The following DPRX variants were observed in gnomAD, a reference collection of about 807,000 sequenced individuals.
The protein encoded by DPRX is divergent paired-related homeobox.
DPRX carries 11 observed loss-of-function variants against 8.4 expected under a neutral mutation model. The observed-to-expected ratio is 1.31, with a 90% CI of 0.82 to 2.17. The LOEUF (loss-of-function observed/expected upper bound fraction) is 2.17. Among genes scored for constraint, DPRX ranks in the 30% most tolerant of loss-of-function variants. The probability of loss-of-function intolerance (pLI) is 0.00; values close to 1 mark genes in which losing one functional copy is unlikely to be tolerated. For synonymous variants in DPRX, 72 were observed against 87.0 expected (o/e 0.83, Z 0.96); for missense variants, 211 against 236.7 (o/e 0.89, Z 0.71).
At chr19:53,601,310 T>A in the DPRX span, 34 of 456,432 alleles carry the variant, frequency 7.4e-5, no homozygotes, top group Middle Eastern at 3.2e-4. Flanking sequence ...TCAGTGGTCA[T>A]CTGCATCATC....
At chr19:53,605,690 G>T in the DPRX span, among the ~76,000 whole-genome samples, 2 of 151,570 alleles carry the variant, frequency 1.3e-5, no homozygotes, top group South Asian at 4.2e-4. Context: ...TTTGAGACAG[G>T]GTCTTGCTTT....
At chr19:53,619,477 C>A in the DPRX span, among the ~76,000 whole-genome samples, 1 of 151,986 alleles carries the variant, frequency 6.6e-6, no homozygotes, top group African/African-American at 2.4e-5. Flanking sequence ...GAGTTAGAGA[C>A]CAGCCTGAGC....
the DPRX span, chr19:53,606,795 C>G: frequency 6.6e-6 from 1 of 152,360 alleles, no homozygotes; most frequent in Non-Finnish European, 1.5e-5. This position sits in a 1 kb window ranked among gnomAD's most constrained non-coding sequence, Gnocchi z 4.8. Context: ...GGTATACGCA[C>G]TGGGCCAGGA....
the DPRX span, among the ~76,000 whole-genome samples, chr19:53,623,310 AAAATAAAT>A: frequency 0.017 from 2,261 of 133,988 alleles, 69 homozygotes; most frequent in African/African-American, 0.057. Flanking sequence ...CTGTCTCAAA[AAAATAAAT>A]AAATAAATAA....
chr19:53,624,168 A>G, the DPRX span, among the ~76,000 whole-genome samples: 20 of 136,438 alleles, frequency 1.5e-4, 1 homozygote, highest in African/African-American at 5.6e-4. Flanking sequence ...ACTCACTTCA[A>G]CCTCTGCCTC....
chr19:53,634,898 G>T (rs2091106505), intron 2 of DPRX, among the ~76,000 whole-genome samples: 1 of 152,144 alleles, frequency 6.6e-6, no homozygotes, highest in Non-Finnish European at 1.5e-5. Flanking sequence ...AATAATTGAA[G>T]CTTTGTGGGC....
chr19:53,624,405 GT>G, the DPRX span, among the ~76,000 whole-genome samples: 1 of 144,538 alleles, frequency 6.9e-6, no homozygotes, highest in Admixed American at 7.0e-5. Context: ...TTTTTGTTTT[GT>G]TTTTTGTTTT....
the DPRX span, among the ~76,000 whole-genome samples, chr19:53,612,940 C>G: frequency 6.6e-6 from 1 of 151,984 alleles, no homozygotes; most frequent in African/African-American, 2.4e-5. Context: ...GAATGAGGGT[C>G]ATAGACCTAA....
At chr19:53,620,275 T>C in the DPRX span, among the ~76,000 whole-genome samples, 27 of 152,012 alleles carry the variant, frequency 1.8e-4, no homozygotes, top group Admixed American at 1.7e-3. Flanking sequence ...TTCACCATGT[T>C]AGCCAGGATG....
the DPRX span, chr19:53,617,050 T>C: frequency 2.4e-6 from 3 of 1,256,196 alleles, no homozygotes; most frequent in African/African-American, 1.5e-5. Context: ...AAGTGGACAA[T>C]ATTATTATGG....
exon 3 of DPRX, chr19:53,636,932 C>T: frequency 1.9e-6 from 3 of 1,613,278 alleles, no homozygotes; most frequent in Non-Finnish European, 2.5e-6. Context: ...AGTTTGCGCT[C>T]CAAGCTTCCA....
the DPRX span, among the ~76,000 whole-genome samples, chr19:53,625,898 A>G: frequency 0.049 from 7,382 of 151,866 alleles, 244 homozygotes; most frequent in South Asian, 0.11. Context: ...TCAGCCTCCC[A>G]TAGTGCTGGG....
At chr19:53,625,307 C>T in the DPRX span, among the ~76,000 whole-genome samples, 3 of 152,146 alleles carry the variant, frequency 2.0e-5, no homozygotes, top group Non-Finnish European at 4.4e-5. Flanking sequence ...CCCGCCTCGG[C>T]CTCTCACTGG....
the DPRX span, among the ~76,000 whole-genome samples, chr19:53,626,183 C>G: frequency 6.6e-6 from 1 of 152,156 alleles, no homozygotes; most frequent in African/African-American, 2.4e-5. Context: ...AGCGATCCAC[C>G]AGCCTTGGCT....
chr19:53,628,391 G>A (rs549541037), upstream of DPRX, among the ~76,000 whole-genome samples: 72 of 152,236 alleles, frequency 4.7e-4, no homozygotes, highest in African/African-American at 1.7e-3. Flanking sequence ...AGCATCTTTG[G>A]ACTAATGGTA....
the DPRX span, chr19:53,605,990 T>C: frequency 6.6e-6 from 1 of 152,144 alleles, no homozygotes; most frequent in Non-Finnish European, 1.5e-5. Context: ...TTAAACTTTT[T>C]ATTAAATAAA....
the DPRX span, chr19:53,602,268 G>GTGTA: frequency 2.4e-5 from 1 of 41,206 alleles, no homozygotes; most frequent in African/African-American, 1.4e-4. Context: ...ATGGGTATGG[G>GTGTA]TGTGTGTGTG....
Position 53,632,085 on chromosome 19 carries a change from A to G in DPRX, c.-22A>G, listed in dbSNP as rs980697535. 5 of 1,613,862 alleles carry G rather than the reference A, an allele frequency of 3.1e-6. No individual in the cohort carries two copies. The African/African-American group carries it at 4.0e-5, about 13-fold the overall frequency. ...AGTTCTTATCCCTGGACCTGAACCC[A>G]GGCGCACATCTGGATTAGAAGATGC... is the stretch of plus-strand genomic sequence containing the variant. On this transcript the variant is annotated 5_prime_UTR_variant, in exon 1 of 3. Transcript: ENST00000376650.
the DPRX span, among the ~76,000 whole-genome samples, chr19:53,603,932 T>TA: frequency 6.6e-6 from 1 of 151,736 alleles, no homozygotes. Flanking sequence ...TTTTAGGACA[T>TA]ACCAGGTTTC....
Sources: allele counts gnomAD v4.1 joint callset (sites outside exome capture counted in the v4.1 genomes callset), GRCh38; gene constraint gnomAD v4.1.1; non-coding constraint Gnocchi (gnomAD v3.1); transcripts MANE v1.5; gene names NCBI Gene and HGNC (gene_info 2026-07-23, HGNC 2026-07-21).